SHCBP1L: variants seen among roughly 807,000 people sequenced by gnomAD.
SHCBP1L encodes SHC binding and spindle associated 1 like, also known as testicular spindle-associated protein SHCBP1L.
Under a neutral mutation model 62.5 loss-of-function variants are expected in SHCBP1L, and 67 were observed. The ratio of observed to expected loss-of-function variants is 1.07; its 90% confidence interval spans 0.88 to 1.31. SHCBP1L has a LOEUF of 1.31. Among genes scored for constraint, SHCBP1L ranks in the 40% most tolerant of loss-of-function variants. SHCBP1L has a pLI of 0.00. For missense variants in SHCBP1L, 823 were observed against 809.8 expected (o/e 1.02, Z -0.20); for synonymous variants, 284 against 289.4 (o/e 0.98, Z 0.19).
chr1:182,900,191 T>G lies in SHCBP1L; in HGVS notation c.1754A>C (p.Tyr585Ser), dbSNP rs371888372. 13 of 1,602,632 alleles carry G rather than the reference T, an allele frequency of 8.1e-6. No individual in the cohort carries two copies. Among genetic ancestry groups the G allele is most frequent in the African/African-American group, 1.3e-5 (1 of 74,508 alleles). ...PKLKMTNNHI[Y>S]SNKGYGVSIL... ...GCTTACTCCATAGCCTTTGTTGCTA[T>G]AAATATGATTATTAGTCATCTTCAA... is the stretch of plus-strand genomic sequence containing the variant. Residue 585 changes from tyrosine (Y) to serine (S), a missense_variant, in exon 10 of 10, where the codon TAT becomes TCT. By Grantham distance (144) the Tyr-to-Ser change is moderately radical (BLOSUM62 -2). Transcript: ENST00000367547.
chr1:182,925,576 G>A (rs1650719691), intron 6 of SHCBP1L, among the ~76,000 whole-genome samples: 1 of 152,106 alleles, frequency 6.6e-6, no homozygotes, highest in Non-Finnish European at 1.5e-5. Flanking sequence ...TAAAAGTTTT[G>A]GTGAGGACTG....
intron 6 of SHCBP1L, among the ~76,000 whole-genome samples, chr1:182,924,422 C>T (rs1456082632): frequency 3.3e-5 from 5 of 151,506 alleles, no homozygotes; most frequent in East Asian, 1.9e-4. Flanking sequence ...CTCAGCCTCC[C>T]GAGTAGCTGG....
At chr1:182,940,215 G>A in intron 3 of SHCBP1L, 114 bp downstream of exon 3, 1 of 771,948 alleles carries the variant, frequency 1.3e-6, no homozygotes, top group Non-Finnish European at 2.1e-6. Context: ...TAATCCAGCA[G>A]TAGTGAGTGA....
chr1:182,913,256 A>G (rs1014185195), intron 6 of SHCBP1L, among the ~76,000 whole-genome samples: 6 of 152,238 alleles, frequency 3.9e-5, no homozygotes, highest in Non-Finnish European at 5.9e-5. Context: ...ACTTGAAGTC[A>G]GTCAGTCAGA....
At chr1:182,943,856 AC>A (rs1651459681) in intron 2 of SHCBP1L, among the ~76,000 whole-genome samples, 1 of 151,066 alleles carries the variant, frequency 6.6e-6, no homozygotes, top group Non-Finnish European at 1.5e-5. Flanking sequence ...GCGGTGGCTC[AC>A]GCCTGTAATC....
intron 6 of SHCBP1L, among the ~76,000 whole-genome samples, chr1:182,919,344 A>C (rs1178864909): frequency 6.6e-6 from 1 of 152,148 alleles, no homozygotes; most frequent in African/African-American, 2.4e-5. Flanking sequence ...AAAGGCAAGA[A>C]CTCTGGAGAG....
At position 182,944,309 on chromosome 1, in the gene SHCBP1L, GC is replaced by G. The variant is rs1431004141; in HGVS notation, c.556-3767del. The G allele has an allele frequency of 2.0e-5, 3 of 152,160 alleles. No homozygotes were observed. The East Asian group carries it at 5.8e-4, about 29-fold the overall frequency. 9.4% of individuals were successfully genotyped at this position (152,160 alleles called of 1,614,324 possible). On this transcript the variant is annotated intron_variant, in intron 2 of 9. Transcript: ENST00000367547. ...AGTCCCAGCTACGTGGAAGGCTAGGGCAGGAGAATCGCTGGAACCCAGGAGG... is the reference window on the plus strand; with the variant it reads ...AGTCCCAGCTACGTGGAAGGCTAGGGAGGAGAATCGCTGGAACCCAGGAGG...
rs1430436655 is a variant in SHCBP1L, at chr1:182,899,893, T to TGC, written c.*89_*90insGC. On this transcript the variant is annotated 3_prime_UTR_variant, in exon 10 of 10. Transcript: ENST00000367547. ...TATTTAAATATTTTTTAATTAAGCT[T>TGC]TGAATTGAAACTACCATTTCAGTGG... 4 of 1,093,606 alleles carry TGC rather than the reference T, an allele frequency of 3.7e-6. No individual in the cohort carries two copies. In the Admixed American group the frequency reaches 1.2e-4, roughly 32 times the overall value. 67.7% of individuals were successfully genotyped at this position (1,093,606 alleles called of 1,614,324 possible). A position where few individuals can be genotyped will look rare whatever the true frequency, so the allele number is the denominator to read the frequency against.
chr1:182,951,865 AGTCAT>A (rs1651754224), intron 1 of SHCBP1L: 1 of 331,966 alleles, frequency 3.0e-6, no homozygotes, highest in Admixed American at 4.0e-5. Flanking sequence ...TATAAAAGAA[AGTCAT>A]GCCACCAGGC....
Position 182,939,315 on chromosome 1 carries a change from TGTTTTTATATTTCTCCAAA to T in SHCBP1L, c.918_936del (p.Leu307AsnfsTer31). ...TGATACTCAATGAGCTCGACACGTT[TGTTTTTATATTTCTCCAAA>T]GTTTTTTTAAAACGTTGTGCGATAG... On this transcript the variant is annotated frameshift_variant, in exon 5 of 10. Transcript: ENST00000367547. LOFTEE classifies it high-confidence loss of function. The T allele has an allele frequency of 1.9e-6, 3 of 1,614,044 alleles. No homozygotes were observed. Among genetic ancestry groups the T allele is most frequent in the Non-Finnish European group, 2.5e-6 (3 of 1,179,960 alleles).
intron 6 of SHCBP1L, among the ~76,000 whole-genome samples, chr1:182,912,148 C>T (rs1436136440): frequency 6.6e-6 from 1 of 152,168 alleles, no homozygotes; most frequent in East Asian, 1.9e-4. Context: ...ACCCTCATTC[C>T]AAACCAGATT....
intron 5 of SHCBP1L, among the ~76,000 whole-genome samples, chr1:182,931,943 A>ATTTT (rs1164377476): frequency 0.018 from 1,287 of 69,604 alleles, 194 homozygotes; most frequent in African/African-American, 0.072. Context: ...GGAACCACTG[A>ATTTT]TTTTTTTTTT....
intron 6 of SHCBP1L, among the ~76,000 whole-genome samples, chr1:182,920,170 C>T (rs892102108): frequency 9.2e-5 from 14 of 152,312 alleles, no homozygotes; most frequent in African/African-American, 2.4e-4. Flanking sequence ...CACTCACCAT[C>T]GAAGTGTTGT....
intron 6 of SHCBP1L, among the ~76,000 whole-genome samples, chr1:182,915,223 A>T (rs1477844485): frequency 6.7e-6 from 1 of 149,764 alleles, no homozygotes; most frequent in Non-Finnish European, 1.5e-5. Flanking sequence ...CAAAGACACA[A>T]GTAGGTTAAC....
chr1:182,909,900 C>T (rs942624277), intron 6 of SHCBP1L, among the ~76,000 whole-genome samples: 3 of 152,198 alleles, frequency 2.0e-5, no homozygotes, highest in African/African-American at 4.8e-5. Flanking sequence ...AGACAGAAGC[C>T]GGATCACAGT....
At chr1:182,929,983 C>G (rs1650905967) in intron 5 of SHCBP1L, among the ~76,000 whole-genome samples, 1 of 152,018 alleles carries the variant, frequency 6.6e-6, no homozygotes, top group Non-Finnish European at 1.5e-5. Context: ...TTGATAGTAC[C>G]TGGAAATCTG....
rs1395029827 is a variant in SHCBP1L at position 182,904,576 on chromosome 1, T to TGC, written c.1337-148_1337-147dup. ...GTGTGTGTGTGTGTGTGTGTGTGTG[T>TGC]GCGCATGCGCATTTTTAGAGATGGT... is the stretch of plus-strand genomic sequence containing the variant. On this transcript the variant is annotated intron_variant, in intron 7 of 9. Coordinates refer to ENST00000367547, the MANE Select transcript of SHCBP1L (RefSeq NM_030933.4). 798 of 701,862 alleles carry TGC rather than the reference T, an allele frequency of 1.1e-3. 2 individuals carry two copies. Among genetic ancestry groups the TGC allele is most frequent in the African/African-American group, 7.4e-3 (390 of 52,962 alleles). The allele number at this position is 701,862 out of a possible 1,614,324, so 43.5% of individuals were successfully genotyped here. A position where few individuals can be genotyped will look rare whatever the true frequency, so the allele number is the denominator to read the frequency against.
chr1:182,951,991 T>TAA (rs756229907), intron 1 of SHCBP1L: 3 of 272,174 alleles, frequency 1.1e-5, no homozygotes, highest in South Asian at 5.6e-5. Context: ...CCATCTGTAC[T>TAA]AAAAAAAAAT....
intron 5 of SHCBP1L, among the ~76,000 whole-genome samples, chr1:182,931,943 AT>A (rs1164377476): frequency 0.026 from 1,793 of 69,636 alleles, 12 homozygotes; most frequent in East Asian, 0.056. Context: ...GGAACCACTG[AT>A]TTTTTTTTTT....
Sources: allele counts gnomAD v4.1 joint callset (sites outside exome capture counted in the v4.1 genomes callset), GRCh38; gene constraint gnomAD v4.1.1; transcripts MANE v1.5; gene names NCBI Gene and HGNC (gene_info 2026-07-23, HGNC 2026-07-21).